TNFRSF11A: variants seen among roughly 807,000 people sequenced by gnomAD.
The protein encoded by TNFRSF11A is tumor necrosis factor receptor superfamily member 11A.
A neutral mutation model predicts 55.7 loss-of-function variants in TNFRSF11A; 32 were observed. That is an observed-to-expected ratio of 0.57 (90% CI 0.43 to 0.77). The LOEUF is 0.77. TNFRSF11A is among the 30% of genes least tolerant of loss of function. The pLI, the probability that TNFRSF11A is intolerant of heterozygous loss-of-function variation, is 0.00. For synonymous variants in TNFRSF11A, 311 were observed against 331.0 expected, an observed-to-expected ratio of 0.94 and a Z score of 0.65; for missense variants, 753 against 809.8, an observed-to-expected ratio of 0.93 and a Z score of 0.85.
intron 7 of TNFRSF11A, among the ~76,000 whole-genome samples, chr18:62,366,280 T>C (rs1215499985): frequency 6.6e-6 from 1 of 152,222 alleles, no homozygotes; most frequent in African/African-American, 2.4e-5. Context: ...ATGATTGCAC[T>C]TATATGTGTA....
At chr18:62,329,910 C>T (rs2046127606) in intron 1 of TNFRSF11A, among the ~76,000 whole-genome samples, 1 of 152,154 alleles carries the variant, frequency 6.6e-6, no homozygotes, top group South Asian at 2.1e-4. Flanking sequence ...AAAGCAGCCC[C>T]AGTCAGCAGT....
intron 5 of TNFRSF11A, 50 bp downstream of exon 5, chr18:62,358,391 C>G: frequency 6.6e-7 from 1 of 1,523,026 alleles, no homozygotes; most frequent in South Asian, 1.1e-5. Context: ...TTAAACAACT[C>G]AACCTCCACT....
At chr18:62,348,699 T>C (rs2046420527) in intron 2 of TNFRSF11A, among the ~76,000 whole-genome samples, 1 of 152,192 alleles carries the variant, frequency 6.6e-6, no homozygotes, top group Non-Finnish European at 1.5e-5. Flanking sequence ...ATATACCTGT[T>C]GAGGAGCAGA....
intron 1 of TNFRSF11A, among the ~76,000 whole-genome samples, chr18:62,345,993 A>G (rs1429288233): frequency 3.9e-5 from 6 of 152,178 alleles, no homozygotes; most frequent in African/African-American, 9.7e-5. Flanking sequence ...CAGGTCAGAT[A>G]TACTCAACAG....
intron 9 of TNFRSF11A, among the ~76,000 whole-genome samples, chr18:62,380,950 G>C (rs1209614891): frequency 6.6e-6 from 1 of 151,318 alleles, no homozygotes; most frequent in Non-Finnish European, 1.5e-5. Context: ...CTACAAGCGT[G>C]TGCCACCACA....
chr18:62,365,459 T>C (rs1481784291), intron 7 of TNFRSF11A, among the ~76,000 whole-genome samples: 1 of 152,190 alleles, frequency 6.6e-6, no homozygotes, highest in East Asian at 1.9e-4. Context: ...AGCAGCCAGA[T>C]ATAGTGGAAA....
intron 1 of TNFRSF11A, among the ~76,000 whole-genome samples, chr18:62,345,984 A>G (rs2046377867): frequency 6.6e-6 from 1 of 152,212 alleles, no homozygotes; most frequent in South Asian, 2.1e-4. Context: ...CTACATGTTC[A>G]GGTCAGATAT....
In TNFRSF11A at chr18:62,391,038, C is replaced by T. The variant is rs1568504194; in HGVS notation, c.*6004C>T. 6.6e-6 allele frequency: 1 copy of T among 152,252 alleles called. No homozygotes were observed. The highest frequency in any genetic ancestry group is 6.5e-5 in the Admixed American group (1 of 15,288). The allele number at this position is 152,252 out of a possible 1,614,324, so 9.4% of individuals were successfully genotyped here. A position where few individuals can be genotyped will look rare whatever the true frequency, so the allele number is the denominator to read the frequency against. On this transcript the variant is annotated 3_prime_UTR_variant, in exon 10 of 10. Transcript: ENST00000586569. ...ATCCCTTCCCCACTACCCCTAGCCC[C>T]TGGCAACCATTATCTGTTCTCTCTT...
At chr18:62,366,846 C>CA (rs1910122284) in intron 8 of TNFRSF11A, 86 bp downstream of exon 8, 3 of 1,324,878 alleles carry the variant, frequency 2.3e-6, no homozygotes, top group Admixed American at 1.7e-5. Context: ...TTGAGCACCC[C>CA]CCCCCACCCC....
Position 62,388,634 on chromosome 18 carries a change from C to T in TNFRSF11A, c.*3600C>T, listed in dbSNP as rs532728359. On this transcript the variant is annotated 3_prime_UTR_variant, in exon 10 of 10. Transcript: ENST00000586569. ...AGCTCCTTCTCTGGTGATTGAATTC[C>T]CTTAATGCACAGCACTATAGATTCC... 6.6e-6 allele frequency: 1 copy of T among 152,346 alleles called. No homozygotes were observed. Among genetic ancestry groups the T allele is most frequent in the African/African-American group, 2.4e-5 (1 of 41,564 alleles). The allele number at this position is 152,346 out of a possible 1,614,324, so 9.4% of individuals were successfully genotyped here. A position where few individuals can be genotyped will look rare whatever the true frequency, so the allele number is the denominator to read the frequency against.
chr18:62,329,123 G>GAAA (rs143689678), intron 1 of TNFRSF11A, among the ~76,000 whole-genome samples: 30 of 150,688 alleles, frequency 2.0e-4, no homozygotes, highest in African/African-American at 7.3e-4. Flanking sequence ...GAAGTTCATG[G>GAAA]AAAAAAAAAT....
intron 1 of TNFRSF11A, among the ~76,000 whole-genome samples, chr18:62,332,482 T>C (rs148070811): frequency 3.9e-4 from 59 of 152,344 alleles, no homozygotes; most frequent in African/African-American, 1.3e-3. Context: ...GATTATTCAC[T>C]TCTGCCCTTG....
At position 62,389,824 on chromosome 18, in the gene TNFRSF11A, C is replaced by T. The variant is rs1317280390; in HGVS notation, c.*4790C>T. On this transcript the variant is annotated 3_prime_UTR_variant, in exon 10 of 10. Transcript: ENST00000586569. ...TTCGTACTAACCAAGGAGCTGGTGA[C>T]ACTACCCTCTTCCCTGTGTGATAGA... The T allele has an allele frequency of 6.6e-6, 1 of 152,262 alleles. No homozygotes were observed. The highest frequency in any genetic ancestry group is 2.4e-5 in the African/African-American group (1 of 41,462). The allele number at this position is 152,262 out of a possible 1,614,324, so 9.4% of individuals were successfully genotyped here.
chr18:62,351,490 G>A (rs2046471550), intron 3 of TNFRSF11A, among the ~76,000 whole-genome samples: 1 of 152,206 alleles, frequency 6.6e-6, no homozygotes, highest in Non-Finnish European at 1.5e-5. Flanking sequence ...ATTAGCAGCT[G>A]CTGATGGTCA....
rs1316252241 is a variant in TNFRSF11A at position 62,334,654 on chromosome 18, G to T, written c.75+9227G>T. Among the ~76,000 whole-genome samples, 3 of 152,214 alleles carry T rather than the reference G, an allele frequency of 2.0e-5. 1 individual carries two copies. The highest frequency in any genetic ancestry group is 2.0e-4 in the Admixed American group (3 of 15,286). On this transcript the variant is annotated intron_variant, in intron 1 of 9. Coordinates refer to ENST00000586569, the MANE Select transcript of TNFRSF11A (RefSeq NM_003839.4). ...TCTTCCCTTGATGAGAATAACCTGG[G>T]CTCCTCTTTTGACATGTCTCTACCA...
Position 62,368,734 on chromosome 18 carries a change from A to G in TNFRSF11A, c.817A>G (p.Thr273Ala). Reference sequence around the variant, plus strand: ...AGGTGACAGTTGTGTCAGTACACACACGGCAAACTTTGGTCAGCAGGGAGC... The same window carrying G: ...AGGTGACAGTTGTGTCAGTACACACGCGGCAAACTTTGGTCAGCAGGGAGC... ...SSGDSCVSTH[T>A]ANFGQQGACE... Residue 273 changes from threonine (T) to alanine (A), a missense_variant, in exon 9 of 10, where the codon ACG becomes GCG. By Grantham distance (58) the Thr-to-Ala change is moderately conservative (BLOSUM62 0). This residue lies in a region of TNFRSF11A where 567 missense variants were observed against 596.7 expected (regional missense o/e 0.95). Transcript: ENST00000586569. 1 of 1,614,234 alleles carries G rather than the reference A, an allele frequency of 6.2e-7. No individual in the cohort carries two copies. The highest frequency in any genetic ancestry group is 8.5e-7 in the Non-Finnish European group (1 of 1,180,046).
Position 62,349,828 on chromosome 18 carries a change from T to C in TNFRSF11A, c.174T>C (p.Ser58=). The C allele has an allele frequency of 6.2e-7, 1 of 1,614,092 alleles. No homozygotes were observed. The highest frequency in any genetic ancestry group is 1.6e-4 in the Middle Eastern group (1 of 6,062). ...TTTTTTAAGGAAAGTACATGTCTTCTAAATGCACTACTACCTCTGACAGTG... is the reference window on the plus strand; with the variant it reads ...TTTTTTAAGGAAAGTACATGTCTTCCAAATGCACTACTACCTCTGACAGTG... ...NKCEPGKYMS[S]KCTTTSDSVC... The change falls in exon 3 of 10, where the codon TCT becomes TCC. Residue 58 remains serine (S), a synonymous_variant. Coordinates refer to ENST00000586569, the MANE Select transcript of TNFRSF11A (RefSeq NM_003839.4).
intron 1 of TNFRSF11A, among the ~76,000 whole-genome samples, chr18:62,338,302 T>C (rs2046263330): frequency 1.3e-5 from 2 of 152,188 alleles, no homozygotes; most frequent in Non-Finnish European, 2.9e-5. Flanking sequence ...AACATAGAAT[T>C]AACTTAGGAT....
chr18:62,336,040 G>T (rs2046227764), intron 1 of TNFRSF11A, among the ~76,000 whole-genome samples: 1 of 152,106 alleles, frequency 6.6e-6, no homozygotes, highest in Non-Finnish European at 1.5e-5. Context: ...TTTCACTAGG[G>T]CCAATTCTTC....
Sources: allele counts gnomAD v4.1 joint callset (sites outside exome capture counted in the v4.1 genomes callset), GRCh38; gene constraint gnomAD v4.1.1; regional missense constraint gnomAD v4.1.1; transcripts MANE v1.5; gene names NCBI Gene and HGNC (gene_info 2026-07-23, HGNC 2026-07-21).